The following FABP6 variants were observed in gnomAD, a reference collection of about 807,000 sequenced individuals.
FABP6 encodes the protein fatty acid binding protein 6, also known as gastrotropin.
Under a neutral mutation model 14.9 loss-of-function variants are expected in FABP6, and 13 were observed. The observed-to-expected ratio is 0.87, with a 90% CI of 0.57 to 1.39. FABP6 has a LOEUF of 1.39. Among genes scored for constraint, FABP6 ranks in the 40% most tolerant of loss-of-function variants. The pLI is 0.00. For synonymous variants in FABP6, 75 were observed against 63.6 expected (o/e 1.18, Z -0.85); for missense variants, 161 against 167.2 (o/e 0.96, Z 0.20).
intron 1 of FABP6, chr5:160,199,018 C>T: frequency 7.3e-7 from 1 of 1,369,684 alleles, no homozygotes; most frequent in Non-Finnish European, 1.0e-6. Context: ...CAGAGCCCCT[C>T]CCAGCGTGCT....
At position 160,220,241 on chromosome 5, in the gene FABP6, T is replaced by C. The variant is rs2421731; in HGVS notation, c.135+6422T>C. Among the ~76,000 whole-genome samples, 305 of 152,332 alleles carry C rather than the reference T, an allele frequency of 2.0e-3. 15 individuals carry two copies. The East Asian group carries it at 0.054, about 27-fold the overall frequency. On this transcript the variant is annotated intron_variant, in intron 3 of 6. Transcript: ENST00000393980. Reference sequence around the variant, plus strand: ...CAATCACCTGTGAAATGCTAGATCCTGTACTAAGCACTTTTGCTATGTACT... The same window carrying C: ...CAATCACCTGTGAAATGCTAGATCCCGTACTAAGCACTTTTGCTATGTACT...
chr5:160,217,816 T>C (rs143822806), intron 3 of FABP6, among the ~76,000 whole-genome samples: 3 of 151,580 alleles, frequency 2.0e-5, no homozygotes, highest in African/African-American at 7.3e-5. Flanking sequence ...TACTTTATTT[T>C]ATTTTTTGTA....
chr5:160,227,693 A>C (rs991657976), upstream of FABP6, among the ~76,000 whole-genome samples: 1 of 152,014 alleles, frequency 6.6e-6, no homozygotes, highest in Non-Finnish European at 1.5e-5. Context: ...TCAGGAAAAA[A>C]GAAAAGGAAA....
At chr5:160,193,596 C>CA (rs1475712233) in intron 1 of FABP6, among the ~76,000 whole-genome samples, 1 of 152,108 alleles carries the variant, frequency 6.6e-6, no homozygotes, top group Non-Finnish European at 1.5e-5. Context: ...TCCTCATCCC[C>CA]ATCAGATTAG....
chr5:160,195,271 G>A (rs1220136907), intron 1 of FABP6, among the ~76,000 whole-genome samples: 2 of 126,598 alleles, frequency 1.6e-5, no homozygotes, highest in Admixed American at 8.8e-5. Flanking sequence ...GCAACAGAGC[G>A]AGACTCTGTC....
At chr5:160,226,897 C>T (rs1760258783), upstream of FABP6, among the ~76,000 whole-genome samples, 1 of 152,084 alleles carries the variant, frequency 6.6e-6, no homozygotes, top group Admixed American at 6.6e-5. Flanking sequence ...AATAGATATA[C>T]AAATTTTAAA....
At chr5:160,227,819 C>CGTGAGTGTGT (rs1760282523), upstream of FABP6, among the ~76,000 whole-genome samples, 1 of 145,654 alleles carries the variant, frequency 6.9e-6, no homozygotes, top group Non-Finnish European at 1.5e-5. Context: ...AAATCCATGA[C>CGTGAGTGTGT]GTGTGTGTGT....
In FABP6 at chr5:160,235,874, T is replaced by A. The variant is rs147471902; in HGVS notation, c.333+965T>A. Among the ~76,000 whole-genome samples, 28 of 152,206 alleles carry A rather than the reference T, an allele frequency of 1.8e-4. 1 individual carries two copies. The East Asian group carries it at 5.2e-3, about 28-fold the overall frequency. On this transcript the variant is annotated intron_variant, in intron 3 of 3. Transcript: ENST00000402432. ...CCTCTCTCAGACACTGTGGTGTAAA[T>A]GATTTACACCACAGACACTTATTTC... is the stretch of plus-strand genomic sequence containing the variant.
At chr5:160,231,989 A>G (rs1760392027) in intron 1 of FABP6, 109 bp from the exon 2 acceptor site, 1 of 1,281,274 alleles carries the variant, frequency 7.8e-7, no homozygotes, top group Non-Finnish European at 1.1e-6. Context: ...AGGCTAGCCT[A>G]TCATGCACAA....
intron 2 of FABP6, among the ~76,000 whole-genome samples, chr5:160,213,285 G>T (rs550984481): frequency 1.2e-4 from 18 of 152,316 alleles, no homozygotes; most frequent in African/African-American, 4.3e-4. Context: ...GGCAATGAGG[G>T]TGCATGGACA....
At chr5:160,204,225 A>T (rs1358763010) in intron 2 of FABP6, among the ~76,000 whole-genome samples, 3 of 152,128 alleles carry the variant, frequency 2.0e-5, no homozygotes, top group South Asian at 4.2e-4. Flanking sequence ...TGGGAGGCAG[A>T]AGCATTGCTT....
intron 1 of FABP6, chr5:160,198,129 G>A (rs1580898545): frequency 6.6e-6 from 1 of 152,098 alleles, no homozygotes; most frequent in Non-Finnish European, 1.5e-5. Flanking sequence ...TGGCCCCCAC[G>A]TCCCTAGTTT....
At chr5:160,200,382 A>C (rs1346610324) in intron 2 of FABP6, among the ~76,000 whole-genome samples, 2 of 150,876 alleles carry the variant, frequency 1.3e-5, no homozygotes, top group African/African-American at 2.4e-5. Flanking sequence ...GGAACAGCAG[A>C]GGATGCAAAC....
intron 3 of FABP6, among the ~76,000 whole-genome samples, chr5:160,214,679 T>C (rs570195369): frequency 6.6e-6 from 1 of 151,884 alleles, no homozygotes; most frequent in South Asian, 2.1e-4. Context: ...ACTGGCCAGG[T>C]GCAGTGTCTT....
At chr5:160,222,908 G>A (rs932922381) in intron 3 of FABP6, among the ~76,000 whole-genome samples, 3 of 152,140 alleles carry the variant, frequency 2.0e-5, no homozygotes, top group African/African-American at 7.2e-5. Flanking sequence ...TTAGCTCAAG[G>A]AAATATAGGC....
chr5:160,225,438 G>C (rs1165607013), upstream of FABP6, among the ~76,000 whole-genome samples: 1 of 119,364 alleles, frequency 8.4e-6, no homozygotes, highest in Non-Finnish European at 1.6e-5. Flanking sequence ...GTCTCGCTCT[G>C]TCCCCCAGGC....
intron 2 of FABP6, among the ~76,000 whole-genome samples, chr5:160,207,582 A>G (rs1759794568): frequency 6.6e-6 from 1 of 152,204 alleles, no homozygotes; most frequent in African/African-American, 2.4e-5. Flanking sequence ...CCAAAACAGT[A>G]CATATGGTAT....
chr5:160,193,919 G>A (rs1391413584), intron 1 of FABP6, among the ~76,000 whole-genome samples: 3 of 152,264 alleles, frequency 2.0e-5, no homozygotes, highest in African/African-American at 7.2e-5. Flanking sequence ...TTGGGCGGTC[G>A]ATGGGACTGG....
chr5:160,216,404 A>AT (rs1333263246), intron 3 of FABP6, among the ~76,000 whole-genome samples: 1 of 151,836 alleles, frequency 6.6e-6, no homozygotes, highest in East Asian at 1.9e-4. Flanking sequence ...AGTAGCTGGG[A>AT]TTACAGGCAC....
Sources: gnomAD v4.1 joint callset for allele counts (sites outside exome capture counted in the v4.1 genomes callset) on GRCh38, gnomAD v4.1.1 for gene constraint, MANE v1.5 for transcripts, NCBI Gene and HGNC (gene_info 2026-07-23, HGNC 2026-07-21) for gene names.